The following XPNPEP3 variants were observed in gnomAD, a reference collection of about 807,000 sequenced individuals.
XPNPEP3 encodes the protein xaa-Pro aminopeptidase 3.
XPNPEP3 carries 41 observed loss-of-function variants against 60.0 expected under a neutral mutation model. That is an observed-to-expected ratio of 0.68 (90% confidence interval 0.53 to 0.89). XPNPEP3 has a LOEUF of 0.89. Among genes scored for constraint, XPNPEP3 ranks in the 40% least tolerant of loss-of-function variants. The probability of loss-of-function intolerance (pLI) is 0.00; values close to 1 mark genes in which losing one functional copy is unlikely to be tolerated. For synonymous variants in XPNPEP3, 212 were observed against 223.2 expected, an observed-to-expected ratio of 0.95 and a Z score of 0.45; for missense variants, 598 against 638.9, an observed-to-expected ratio of 0.94 and a Z score of 0.69.
rs762152639 is a variant in XPNPEP3, at chr22:40,897,029, C to CTTT, written c.792+10534_792+10536dup. Among the ~76,000 whole-genome samples the CTTT allele has an allele frequency of 8.3e-3, 891 of 107,512 alleles. 2 individuals carry two copies. The highest frequency in any genetic ancestry group is 0.015 in the East Asian group (47 of 3,156). 70.5% of individuals were successfully genotyped at this position (107,512 alleles called of 152,430 possible). A position where few individuals can be genotyped will look rare whatever the true frequency, so the allele number is the denominator to read the frequency against. On this transcript the variant is annotated intron_variant, in intron 4 of 9. Transcript: ENST00000357137. The stretch of plus-strand genomic sequence containing the variant: ...TATGTATAGACAATGTTTCCTTCAT[C>CTTT]TTTTTTTTTTTTTTTTTTTTTTGAG...
At position 40,861,359 on chromosome 22, in the gene XPNPEP3, T is replaced by A. The variant is rs771843898; in HGVS notation, c.64+4114T>A. 2.2e-5 allele frequency: 36 copies of A among 1,614,004 alleles called. No individual in the cohort carries two copies. In the Admixed American group the frequency reaches 5.7e-4, roughly 25 times the overall value. ...ATGTCAACTCTCCATTATCTTCAGC[T>A]TCTCTTTCTTGATCACTTTCAATAA... On this transcript the variant is annotated intron_variant, in intron 1 of 9. Coordinates refer to ENST00000357137, the MANE Select transcript of XPNPEP3 (RefSeq NM_022098.4).
At chr22:40,921,879 A>T (rs1185506046) in intron 7 of XPNPEP3, among the ~76,000 whole-genome samples, 2 of 152,058 alleles carry the variant, frequency 1.3e-5, no homozygotes, top group Non-Finnish European at 2.9e-5. Flanking sequence ...TTCTAAAGAC[A>T]CTTAAGTGCT....
chr22:40,886,909 A>G (rs1368475975), intron 4 of XPNPEP3, among the ~76,000 whole-genome samples: 1 of 152,060 alleles, frequency 6.6e-6, no homozygotes. Context: ...CGTATACCCA[A>G]TGCAGCAGTC....
intron 4 of XPNPEP3, among the ~76,000 whole-genome samples, chr22:40,888,219 A>C (rs1181691139): frequency 6.6e-6 from 1 of 152,048 alleles, no homozygotes; most frequent in Non-Finnish European, 1.5e-5. Flanking sequence ...CACTTAGCAT[A>C]ATGTTTTTAA....
At chr22:40,892,821 C>G (rs2058093146) in intron 4 of XPNPEP3, among the ~76,000 whole-genome samples, 1 of 151,964 alleles carries the variant, frequency 6.6e-6, no homozygotes, top group African/African-American at 2.4e-5. Flanking sequence ...TAGGGCCCAC[C>G]AAGTTATACC....
rs2058252693 is a variant in XPNPEP3 at position 40,930,947 on chromosome 22, C to T, written c.*4512C>T. On this transcript the variant is annotated 3_prime_UTR_variant, in exon 10 of 10. Coordinates refer to ENST00000357137, the MANE Select transcript of XPNPEP3 (RefSeq NM_022098.4). ...CACTGCAACCTCCAACTCCCTGGTT[C>T]AAGCAGTTCTCCTGCCTCAGCCTCC... 1 of 152,434 alleles carries T rather than the reference C, an allele frequency of 6.6e-6. No individual in the cohort carries two copies. Among genetic ancestry groups the T allele is most frequent in the Non-Finnish European group, 1.5e-5 (1 of 68,258 alleles). The allele number at this position is 152,434 out of a possible 1,614,324, so 9.4% of individuals were successfully genotyped here.
chr22:40,913,715 T>C (rs2058184915), intron 6 of XPNPEP3, among the ~76,000 whole-genome samples: 3 of 152,152 alleles, frequency 2.0e-5, no homozygotes, highest in African/African-American at 7.2e-5. Flanking sequence ...CCAACTTTCT[T>C]GTGGCAGGGT....
intron 4 of XPNPEP3, chr22:40,907,280 G>T (rs2058159747): frequency 2.4e-6 from 1 of 420,026 alleles, no homozygotes; most frequent in Admixed American, 2.9e-5. Context: ...AATTAGCCGG[G>T]TGTGGTGGCG....
chr22:40,863,507 C>T (rs1023456403), intron 1 of XPNPEP3, among the ~76,000 whole-genome samples: 4 of 152,118 alleles, frequency 2.6e-5, no homozygotes, highest in African/African-American at 4.8e-5. Flanking sequence ...CTTTCAAGAC[C>T]ATTTGTCAGG....
At chr22:40,922,027 C>CAGA (rs1481857610) in intron 7 of XPNPEP3, among the ~76,000 whole-genome samples, 4 of 151,926 alleles carry the variant, frequency 2.6e-5, no homozygotes, top group Admixed American at 2.6e-4. Context: ...AGGATCATGG[C>CAGA]TGAGCCTCAT....
At chr22:40,918,353 A>G (rs1373488451) in intron 7 of XPNPEP3, among the ~76,000 whole-genome samples, 1 of 152,114 alleles carries the variant, frequency 6.6e-6, no homozygotes, top group Non-Finnish European at 1.5e-5. Flanking sequence ...TAGCCTAGGT[A>G]ACAGAGCAAG....
intron 3 of XPNPEP3, among the ~76,000 whole-genome samples, chr22:40,884,679 C>A (rs1328835865): frequency 6.6e-6 from 1 of 151,556 alleles, no homozygotes; most frequent in Non-Finnish European, 1.5e-5. Context: ...AAAAAGTGAG[C>A]TATGATTTCA....
chr22:40,918,632 C>T (rs1012965410), intron 7 of XPNPEP3, among the ~76,000 whole-genome samples: 16 of 149,800 alleles, frequency 1.1e-4, no homozygotes, highest in African/African-American at 3.9e-4. Context: ...CGCAGTGAGC[C>T]GAGATCACAC....
intron 4 of XPNPEP3, among the ~76,000 whole-genome samples, chr22:40,890,992 C>G (rs887754323): frequency 1.3e-5 from 2 of 152,020 alleles, no homozygotes; most frequent in African/African-American, 4.8e-5. Context: ...GAGGTCATAT[C>G]TCTGCTCTTT....
chr22:40,903,551 T>G (rs1272068547), intron 4 of XPNPEP3, among the ~76,000 whole-genome samples: 1 of 151,660 alleles, frequency 6.6e-6, no homozygotes, highest in African/African-American at 2.4e-5. Flanking sequence ...AGTGCAGTGG[T>G]GCGATCTAGG....
intron 2 of XPNPEP3, 83 bp from the exon 3 acceptor site, chr22:40,881,687 A>G: frequency 6.7e-7 from 1 of 1,481,514 alleles, no homozygotes; most frequent in South Asian, 1.1e-5. Flanking sequence ...ATTGGACTTG[A>G]GTATTTCCAT....
intron 4 of XPNPEP3, among the ~76,000 whole-genome samples, chr22:40,905,470 TAGTG>T (rs1336003761): frequency 1.3e-5 from 2 of 152,270 alleles, no homozygotes; most frequent in African/African-American, 4.8e-5. Flanking sequence ...GAGGATACAT[TAGTG>T]AGCACAATAG....
intron 1 of XPNPEP3, among the ~76,000 whole-genome samples, chr22:40,859,319 A>G (rs2145762628): frequency 6.6e-6 from 1 of 152,306 alleles, no homozygotes; most frequent in Admixed American, 6.5e-5. Context: ...AGATGGTGGG[A>G]AAACTTTGAG....
At chr22:40,869,735 T>A (rs2057996135) in intron 2 of XPNPEP3, among the ~76,000 whole-genome samples, 1 of 152,224 alleles carries the variant, frequency 6.6e-6, no homozygotes, top group Non-Finnish European at 1.5e-5. Context: ...GTCTTATAAC[T>A]ATTGCTCAAA....
Sources: gnomAD v4.1 joint callset for allele counts (sites outside exome capture counted in the v4.1 genomes callset) on GRCh38, gnomAD v4.1.1 for gene constraint, MANE v1.5 for transcripts, NCBI Gene and HGNC (gene_info 2026-07-23, HGNC 2026-07-21) for gene names.